AOPEP: variants seen among roughly 807,000 people sequenced by gnomAD.
The protein encoded by AOPEP is aminopeptidase O.
A neutral mutation model predicts 98.1 loss-of-function variants in AOPEP; 77 were observed. The ratio of observed to expected loss-of-function variants is 0.78; its 90% CI spans 0.65 to 0.95. AOPEP has a LOEUF of 0.95. Ranked by LOEUF, AOPEP falls within the 40% of genes least tolerant of loss-of-function variation. The probability of loss-of-function intolerance (pLI) is 0.00; values close to 1 mark genes in which losing one functional copy is unlikely to be tolerated. For synonymous variants in AOPEP, 346 were observed against 365.3 expected (o/e 0.95, Z 0.60); for missense variants, 1,024 against 1,024.7 (o/e 1.00, Z 0.01).
intron 13 of AOPEP, among the ~76,000 whole-genome samples, chr9:95,035,852 G>A (rs759890980): frequency 1.3e-5 from 2 of 151,480 alleles, no homozygotes; most frequent in Non-Finnish European, 2.9e-5. Context: ...AGAAATTGCT[G>A]TGTGGCCTTA....
chr9:94,817,725 C>T (rs1852025358), intron 5 of AOPEP, among the ~76,000 whole-genome samples: 1 of 152,098 alleles, frequency 6.6e-6, no homozygotes. Context: ...TTGAAGGGGC[C>T]CCTTAAGAAC....
At chr9:94,808,045 C>CT (rs1385115392) in intron 5 of AOPEP, among the ~76,000 whole-genome samples, 5,962 of 142,582 alleles carry the variant, frequency 0.042, 352 homozygotes, top group African/African-American at 0.12. Flanking sequence ...TTTTTTCTTT[C>CT]TTTTTTTTTT....
chr9:94,760,026 TATTCCCGTGACAA>T lies in AOPEP; in HGVS notation c.246_258del (p.Ile82MetfsTer59), dbSNP rs1564081171. 1 of 1,614,224 alleles carries T rather than the reference TATTCCCGTGACAA, an allele frequency of 6.2e-7. No homozygotes were observed. The highest frequency in any genetic ancestry group is 1.7e-5 in the Admixed American group (1 of 60,026). On this transcript the variant is annotated frameshift_variant, in exon 2 of 17. Transcript: ENST00000375315. LOFTEE classifies it high-confidence loss of function. Reference sequence around the variant, plus strand: ...AATTTGGGATGCCTGAACCCTGCCATATTCCCGTGACAAATGCAAGGACCTTCTCATCTGAAAT... The same window carrying T: ...AATTTGGGATGCCTGAACCCTGCCATATGCAAGGACCTTCTCATCTGAAAT...
At chr9:94,933,632 T>C in intron 7 of AOPEP, 1 of 985,464 alleles carries the variant, frequency 1.0e-6, no homozygotes, top group Non-Finnish European at 1.2e-6. Context: ...ACCCCAAGTA[T>C]GTAACCCTAT....
chr9:94,763,751 A>G (rs898587147), intron 2 of AOPEP, among the ~76,000 whole-genome samples: 1 of 152,252 alleles, frequency 6.6e-6, no homozygotes, highest in Non-Finnish European at 1.5e-5. Flanking sequence ...CAGAGGGACA[A>G]GGGGCCGTCC....
At chr9:94,835,618 C>T (rs1208336464) in intron 5 of AOPEP, among the ~76,000 whole-genome samples, 2 of 152,216 alleles carry the variant, frequency 1.3e-5, no homozygotes, top group Non-Finnish European at 2.9e-5. Context: ...TGCATTGAGA[C>T]TCCTGTTTAT....
chr9:95,035,205 T>C (rs1228920599), intron 13 of AOPEP, among the ~76,000 whole-genome samples: 5 of 150,866 alleles, frequency 3.3e-5, no homozygotes, highest in Non-Finnish European at 7.4e-5. Context: ...CACCTGTGAG[T>C]GAGAACATGC....
intron 3 of AOPEP, among the ~76,000 whole-genome samples, chr9:94,782,692 C>A (rs1450979063): frequency 6.6e-6 from 1 of 152,234 alleles, no homozygotes; most frequent in Non-Finnish European, 1.5e-5. Context: ...GTAGAGAAAG[C>A]TCCTTGTTTC....
At chr9:95,042,334 A>AC in intron 13 of AOPEP, among the ~76,000 whole-genome samples, 4 of 151,624 alleles carry the variant, frequency 2.6e-5, no homozygotes, top group African/African-American at 7.3e-5. Flanking sequence ...ATAAATAAAT[A>AC]AATAAATACA....
chr9:95,101,953 T>G, the AOPEP span: 1 of 1,324,268 alleles, frequency 7.6e-7, no homozygotes, highest in Non-Finnish European at 1.1e-6. Context: ...AAAGAAGCCC[T>G]ATCCAGCATT....
chr9:95,141,360 G>C, the AOPEP span, among the ~76,000 whole-genome samples: 1 of 138,404 alleles, frequency 7.2e-6, no homozygotes, highest in Non-Finnish European at 1.5e-5. Flanking sequence ...AAGTCTCTCA[G>C]TTTCCATCAT....
chr9:94,934,116 A>G (rs2055851645), intron 7 of AOPEP, among the ~76,000 whole-genome samples: 2 of 152,066 alleles, frequency 1.3e-5, no homozygotes. Context: ...GAGAGAGGAA[A>G]ATCTCAGTTT....
chr9:94,833,345 C>T (rs1487958629), intron 5 of AOPEP, among the ~76,000 whole-genome samples: 2 of 142,242 alleles, frequency 1.4e-5, no homozygotes, highest in African/African-American at 5.2e-5. Context: ...TCAAGTGATT[C>T]TCCTGCCTCA....
intron 5 of AOPEP, among the ~76,000 whole-genome samples, chr9:94,831,835 C>T (rs1362302256): frequency 6.6e-6 from 1 of 151,836 alleles, no homozygotes; most frequent in Middle Eastern, 3.2e-3. Flanking sequence ...AGGATTTCCT[C>T]AAGGAGAACT....
At chr9:94,850,522 C>A (rs1191954078) in intron 5 of AOPEP, among the ~76,000 whole-genome samples, 1 of 152,192 alleles carries the variant, frequency 6.6e-6, no homozygotes, top group Non-Finnish European at 1.5e-5. Context: ...GAACTCGTAT[C>A]ATTTCCTTTT....
chr9:95,053,474 A>T (rs117063502), intron 13 of AOPEP, among the ~76,000 whole-genome samples: 29 of 152,316 alleles, frequency 1.9e-4, no homozygotes, highest in Non-Finnish European at 3.7e-4. Context: ...TACATACCAT[A>T]TAGGATGTTT....
At chr9:94,973,822 A>G (rs10993425) in intron 10 of AOPEP, among the ~76,000 whole-genome samples, 11,819 of 152,274 alleles carry the variant, frequency 0.078, 1,159 homozygotes, top group African/African-American at 0.23. Context: ...TGTAAGTTCT[A>G]GGTCCTGGCT....
chr9:95,045,935 G>A (rs918806729), intron 13 of AOPEP, among the ~76,000 whole-genome samples: 2 of 152,302 alleles, frequency 1.3e-5, no homozygotes, highest in South Asian at 4.1e-4. Flanking sequence ...GGAAGGCGCC[G>A]CCACCTCCAC....
At chr9:94,761,351 T>A (rs1016151910) in intron 2 of AOPEP, among the ~76,000 whole-genome samples, 4 of 152,204 alleles carry the variant, frequency 2.6e-5, no homozygotes, top group African/African-American at 9.6e-5. Context: ...CTCCAACAGT[T>A]GTTCAGATTT....
Sources: gnomAD v4.1 joint callset for allele counts (sites outside exome capture counted in the v4.1 genomes callset) on GRCh38, gnomAD v4.1.1 for gene constraint, MANE v1.5 for transcripts, NCBI Gene and HGNC (gene_info 2026-07-23, HGNC 2026-07-21) for gene names.